Variants in DOCK3 observed in about 807,000 individuals in gnomAD.
The protein encoded by DOCK3 is dedicator of cytokinesis 3, also known as dedicator of cytokinesis protein 3.
DOCK3 carries 60 observed loss-of-function variants against 265.6 expected under a neutral mutation model. That is an observed-to-expected ratio of 0.23 (90% CI 0.18 to 0.28). The LOEUF is 0.28. Among genes scored for constraint, DOCK3 ranks in the 10% least tolerant of loss-of-function variants. DOCK3 has a pLI of 1.00. For synonymous variants in DOCK3, 881 were observed against 938.0 expected (o/e 0.94, Z 1.11); for missense variants, 1,981 against 2,594.3 (o/e 0.76, Z 5.14).
At chr3:50,943,126 T>C (rs2108255645) in intron 5 of DOCK3, among the ~76,000 whole-genome samples, 1 of 152,126 alleles carries the variant, frequency 6.6e-6, no homozygotes, top group East Asian at 1.9e-4. Context: ...TAGGGGAAGG[T>C]ATTTAGCAAC....
intron 18 of DOCK3, 35 bp downstream of exon 18, chr3:51,228,867 C>A: frequency 6.2e-7 from 1 of 1,606,380 alleles, no homozygotes; most frequent in Non-Finnish European, 8.5e-7. Flanking sequence ...GTGCCCTCCA[C>A]CCTCCTCCAT....
intron 4 of DOCK3, among the ~76,000 whole-genome samples, chr3:50,922,779 C>A (rs1416920128): frequency 7.5e-6 from 1 of 133,356 alleles, no homozygotes; most frequent in African/African-American, 2.8e-5. Context: ...TAATTTTTTT[C>A]TCTCCATAGG....
intron 3 of DOCK3, among the ~76,000 whole-genome samples, chr3:50,859,195 T>G (rs540133467): frequency 6.6e-6 from 1 of 150,702 alleles, no homozygotes; most frequent in East Asian, 2.0e-4. Flanking sequence ...GAACTCTTGT[T>G]GGAGAACTGG....
intron 22 of DOCK3, among the ~76,000 whole-genome samples, chr3:51,252,777 T>C (rs2079324510): frequency 6.6e-6 from 1 of 152,150 alleles, no homozygotes; most frequent in South Asian, 2.1e-4. Context: ...GACAGTGGGG[T>C]TTTCCAAATA....
chr3:51,267,063 A>G (rs1318363092), intron 23 of DOCK3, among the ~76,000 whole-genome samples: 1 of 152,226 alleles, frequency 6.6e-6, no homozygotes, highest in Non-Finnish European at 1.5e-5. Flanking sequence ...CAACATATGA[A>G]AAAAAGCTCA....
chr3:50,763,351 G>C (rs1285287531), intron 1 of DOCK3, among the ~76,000 whole-genome samples: 1 of 151,974 alleles, frequency 6.6e-6, no homozygotes, highest in Non-Finnish European at 1.5e-5. Context: ...TGAGATACAC[G>C]GCTCCCTGCA....
At chr3:50,924,395 G>A (rs1050404993) in intron 4 of DOCK3, among the ~76,000 whole-genome samples, 3 of 152,150 alleles carry the variant, frequency 2.0e-5, no homozygotes, top group Admixed American at 1.3e-4. Context: ...CTGTTGCTCT[G>A]GATGATGAAG....
intron 4 of DOCK3, among the ~76,000 whole-genome samples, chr3:50,910,735 C>T (rs1019223471): frequency 2.0e-5 from 3 of 152,172 alleles, no homozygotes; most frequent in Non-Finnish European, 4.4e-5. Context: ...TCTCCCTCCC[C>T]CAAGTACACA....
chr3:50,853,527 T>C (rs1170886364), intron 3 of DOCK3, among the ~76,000 whole-genome samples: 2 of 152,196 alleles, frequency 1.3e-5, no homozygotes, highest in African/African-American at 4.8e-5. Flanking sequence ...CGTGTACTCA[T>C]TGATTAGCTC....
chr3:50,763,524 C>T (rs1473756867), intron 1 of DOCK3, among the ~76,000 whole-genome samples: 1 of 152,038 alleles, frequency 6.6e-6, no homozygotes, highest in African/African-American at 2.4e-5. Context: ...CTCAGGTGAT[C>T]CACCTGCTGC....
chr3:50,893,929 C>T (rs1258156005), intron 4 of DOCK3, among the ~76,000 whole-genome samples: 5 of 132,910 alleles, frequency 3.8e-5, no homozygotes, highest in South Asian at 2.3e-4. Context: ...ATAATGAGAA[C>T]ATTGGGACAC....
At chr3:51,001,753 T>A (rs1352415667) in intron 5 of DOCK3, among the ~76,000 whole-genome samples, 1 of 152,224 alleles carries the variant, frequency 6.6e-6, no homozygotes, top group East Asian at 1.9e-4. Flanking sequence ...ACATTTTACA[T>A]TCCCACCAGT....
chr3:51,248,526 G>T (rs192705333), intron 22 of DOCK3, among the ~76,000 whole-genome samples: 1 of 152,136 alleles, frequency 6.6e-6, no homozygotes, highest in African/African-American at 2.4e-5. Flanking sequence ...GTGCAGTGGC[G>T]TGATCTCGGC....
In DOCK3 at chr3:51,379,153, A is replaced by G. The variant is rs566487727; in HGVS notation, c.5501-972A>G. On this transcript the variant is annotated intron_variant, in intron 51 of 52. Coordinates refer to ENST00000266037, the MANE Select transcript of DOCK3 (RefSeq NM_004947.5). ...TCCTGTTTTCTCTTCTCCTCCTGGCAGATCCCAGAGGCTGCAGGCGTTCAC... is the reference window on the plus strand; with the variant it reads ...TCCTGTTTTCTCTTCTCCTCCTGGCGGATCCCAGAGGCTGCAGGCGTTCAC... Among the ~76,000 whole-genome samples the G allele has an allele frequency of 5.9e-5, 9 of 152,296 alleles. No homozygotes were observed. In the South Asian group the frequency reaches 1.9e-3, roughly 32 times the overall value.
intron 22 of DOCK3, 24 bp from the exon 23 acceptor site, chr3:51,260,132 C>G (rs768441687): frequency 1.9e-6 from 3 of 1,603,352 alleles, no homozygotes; most frequent in Non-Finnish European, 2.6e-6. Flanking sequence ...ATCTCTCCAT[C>G]ACTTTTTCTC....
At chr3:51,232,312 T>C (rs1219657660) in intron 19 of DOCK3, among the ~76,000 whole-genome samples, 1 of 152,246 alleles carries the variant, frequency 6.6e-6, no homozygotes, top group Non-Finnish European at 1.5e-5. Flanking sequence ...TCCTTGCAGA[T>C]GCGAATTGTG....
chr3:51,238,329 A>C (rs2078443491), intron 21 of DOCK3, among the ~76,000 whole-genome samples: 1 of 151,558 alleles, frequency 6.6e-6, no homozygotes, highest in African/African-American at 2.4e-5. Flanking sequence ...TTTTTAGTAG[A>C]GTCAGGGTTT....
chr3:51,101,447 A>G (rs2083088462), intron 9 of DOCK3, among the ~76,000 whole-genome samples: 1 of 152,154 alleles, frequency 6.6e-6, no homozygotes, highest in Non-Finnish European at 1.5e-5. Context: ...AGAAAATTGC[A>G]AGGCGGTAGA....
intron 2 of DOCK3, among the ~76,000 whole-genome samples, chr3:50,839,438 A>G (rs1444935205): frequency 3.9e-5 from 6 of 152,172 alleles, no homozygotes; most frequent in Admixed American, 3.3e-4. Flanking sequence ...CCTTTGTACC[A>G]TTTTGGATTT....
Sources: allele counts gnomAD v4.1 joint callset (sites outside exome capture counted in the v4.1 genomes callset), GRCh38; gene constraint gnomAD v4.1.1; transcripts MANE v1.5; gene names NCBI Gene and HGNC (gene_info 2026-07-23, HGNC 2026-07-21).